The following UPF2 variants were observed in gnomAD, a reference collection of about 807,000 sequenced individuals.
UPF2 encodes the protein regulator of nonsense transcripts 2.
UPF2 carries 17 observed loss-of-function variants against 141.4 expected under a neutral mutation model. That is an observed-to-expected ratio of 0.12 (90% CI 0.08 to 0.18). The LOEUF is 0.18. Ranked by LOEUF, UPF2 falls within the 10% of genes least tolerant of loss-of-function variation. UPF2 has a pLI of 1.00. For synonymous variants in UPF2, 540 were observed against 498.0 expected (o/e 1.08, Z -1.12); for missense variants, 1,152 against 1,515.9 (o/e 0.76, Z 3.99).
chr10:11,991,627 A>AG (rs1487584961), intron 8 of UPF2, among the ~76,000 whole-genome samples: 1 of 152,050 alleles, frequency 6.6e-6, no homozygotes, highest in African/African-American at 2.4e-5. Context: ...ATTTTAAGAG[A>AG]GGAAAAAAAA....
At chr10:11,960,614 C>A (rs1833224585) in intron 11 of UPF2, among the ~76,000 whole-genome samples, 1 of 151,558 alleles carries the variant, frequency 6.6e-6, no homozygotes. Flanking sequence ...TAAAAAATTA[C>A]CCAGGCACGG....
intron 16 of UPF2, among the ~76,000 whole-genome samples, chr10:11,944,479 G>C (rs946025556): frequency 2.0e-5 from 3 of 152,148 alleles, no homozygotes; most frequent in Non-Finnish European, 4.4e-5. Context: ...GGGTGACAGA[G>C]CGAGACTCCA....
chr10:11,923,938 A>G (rs534720417), intron 21 of UPF2, among the ~76,000 whole-genome samples: 1 of 152,362 alleles, frequency 6.6e-6, no homozygotes, highest in East Asian at 1.9e-4. Flanking sequence ...CTTTTTAGTA[A>G]GAGTCTAGAG....
chr10:11,971,226 C>A (rs1775969649), intron 9 of UPF2, among the ~76,000 whole-genome samples: 1 of 151,168 alleles, frequency 6.6e-6, no homozygotes, highest in South Asian at 2.1e-4. Context: ...CATTTTCACT[C>A]CTCATTCAAC....
intron 1 of UPF2, among the ~76,000 whole-genome samples, chr10:12,038,105 G>C (rs992942066): frequency 2.6e-5 from 4 of 152,158 alleles, no homozygotes; most frequent in Non-Finnish European, 4.4e-5. Context: ...ATTAGGGGCT[G>C]GGTGCGGTGG....
At chr10:11,972,904 T>C (rs922891801) in intron 9 of UPF2, among the ~76,000 whole-genome samples, 10 of 152,196 alleles carry the variant, frequency 6.6e-5, no homozygotes, top group African/African-American at 1.4e-4. Flanking sequence ...TATCCAGTAA[T>C]GGGATGGTGC....
chr10:12,012,669 G>T (rs1003214283), intron 4 of UPF2, among the ~76,000 whole-genome samples: 1 of 151,740 alleles, frequency 6.6e-6, no homozygotes, highest in Non-Finnish European at 1.5e-5. Flanking sequence ...CGTGGTGGTG[G>T]GTGCCTGTAG....
chr10:12,001,615 A>C, intron 6 of UPF2, 61 bp downstream of exon 6: 1 of 1,445,246 alleles, frequency 6.9e-7, no homozygotes, highest in Non-Finnish European at 9.3e-7. Context: ...CTATATTCTT[A>C]GGCAAGAGCT....
chr10:11,964,643 G>A (rs1256466318), intron 10 of UPF2, among the ~76,000 whole-genome samples: 1 of 152,092 alleles, frequency 6.6e-6, no homozygotes, highest in Non-Finnish European at 1.5e-5. Flanking sequence ...TGGCTTACTA[G>A]GAAAAATTTT....
Position 11,920,783 on chromosome 10 carries a change from G to A in UPF2, c.*515C>T, listed in dbSNP as rs896536261. 1 of 293,904 alleles carries A rather than the reference G, an allele frequency of 3.4e-6. No individual in the cohort carries two copies. Among genetic ancestry groups the A allele is most frequent in the Non-Finnish European group, 6.8e-6 (1 of 147,596 alleles). 18.2% of individuals were successfully genotyped at this position (293,904 alleles called of 1,614,324 possible). A position where few individuals can be genotyped will look rare whatever the true frequency, so the allele number is the denominator to read the frequency against. Reference sequence around the variant, plus strand: ...CTTTCATCATTTTGTTGTCCTGCATGTAAGTTTTACTAGAAGATTTTCCTG... The same window carrying A: ...CTTTCATCATTTTGTTGTCCTGCATATAAGTTTTACTAGAAGATTTTCCTG... On this transcript the variant is annotated 3_prime_UTR_variant, in exon 22 of 22. Transcript: ENST00000357604.
rs566299564 is a variant in UPF2 at position 11,923,788 on chromosome 10, G to C, written c.3810-2481C>G. ...CGGGAGGCAGAGGTTGCAGTGAGCC[G>C]AGATCCCGGCACTGCACTCCAGCCT... On this transcript the variant is annotated intron_variant, in intron 21 of 21. Coordinates refer to ENST00000357604, the MANE Select transcript of UPF2 (RefSeq NM_015542.4). Among the ~76,000 whole-genome samples the C allele has an allele frequency of 5.3e-5, 8 of 152,122 alleles. No individual in the cohort carries two copies. In the South Asian group the frequency reaches 1.7e-3, roughly 32 times the overall value.
At chr10:11,965,462 T>G in intron 10 of UPF2, among the ~76,000 whole-genome samples, 1 of 152,084 alleles carries the variant, frequency 6.6e-6, no homozygotes, top group Non-Finnish European at 1.5e-5. Context: ...TATTAGTATT[T>G]TATTTATTTA....
chr10:11,942,846 T>C (rs1420897534), intron 17 of UPF2, 83 bp from the exon 18 acceptor site: 4 of 1,241,672 alleles, frequency 3.2e-6, no homozygotes, highest in East Asian at 4.7e-5. Context: ...TATTGACAAC[T>C]TGTTTAACAT....
intron 20 of UPF2, among the ~76,000 whole-genome samples, chr10:11,930,293 A>G (rs1356733905): frequency 1.4e-5 from 2 of 147,100 alleles, no homozygotes; most frequent in Non-Finnish European, 3.0e-5. Flanking sequence ...GTGTAGAGCG[A>G]GACTACTGGT....
chr10:11,968,133 C>G (rs1298076966), intron 9 of UPF2, among the ~76,000 whole-genome samples: 2 of 151,962 alleles, frequency 1.3e-5, no homozygotes, highest in Non-Finnish European at 2.9e-5. Context: ...GAGCCAAGAT[C>G]ATGCCACTGC....
intron 1 of UPF2, among the ~76,000 whole-genome samples, chr10:12,039,903 G>C (rs1942897778): frequency 6.6e-6 from 1 of 152,114 alleles, no homozygotes; most frequent in South Asian, 2.1e-4. Context: ...TTACAGGCAT[G>C]AGCCACTGTG....
intron 8 of UPF2, among the ~76,000 whole-genome samples, chr10:11,996,001 T>C (rs1833858474): frequency 6.6e-6 from 1 of 152,136 alleles, no homozygotes; most frequent in Non-Finnish European, 1.5e-5. Flanking sequence ...CACTTGGCTC[T>C]ATGCTTCAAA....
At chr10:11,976,851 G>A (rs548120027) in intron 9 of UPF2, among the ~76,000 whole-genome samples, 30 of 152,344 alleles carry the variant, frequency 2.0e-4, no homozygotes, top group African/African-American at 4.1e-4. Context: ...GATGCTATGT[G>A]AGGAGCTGCA....
At chr10:12,006,485 A>T (rs577083843) in intron 4 of UPF2, among the ~76,000 whole-genome samples, 1 of 152,336 alleles carries the variant, frequency 6.6e-6, no homozygotes, top group East Asian at 1.9e-4. Flanking sequence ...GATTTATGAA[A>T]ATAAGAACAC....
Sources: allele counts gnomAD v4.1 joint callset (sites outside exome capture counted in the v4.1 genomes callset), GRCh38; gene constraint gnomAD v4.1.1; transcripts MANE v1.5; gene names NCBI Gene and HGNC (gene_info 2026-07-23, HGNC 2026-07-21).